The following TCEANC2 variants were observed in gnomAD, a reference collection of about 807,000 sequenced individuals.
TCEANC2 encodes the protein transcription elongation factor A N-terminal and central domain containing 2.
TCEANC2 carries 20 observed loss-of-function variants against 22.8 expected under a neutral mutation model. That is an observed-to-expected ratio of 0.88 (90% CI 0.62 to 1.28). TCEANC2 has a LOEUF of 1.28. TCEANC2 is among the 50% of genes most tolerant of loss of function. The pLI, the probability that TCEANC2 is intolerant of heterozygous loss-of-function variation, is 0.00. For synonymous variants in TCEANC2, 84 were observed against 95.5 expected (o/e 0.88, Z 0.70); for missense variants, 251 against 249.7 (o/e 1.01, Z -0.03).
At chr1:54,069,549 A>G (rs1199075035) in intron 3 of TCEANC2, among the ~76,000 whole-genome samples, 1 of 151,378 alleles carries the variant, frequency 6.6e-6, no homozygotes, top group East Asian at 1.9e-4. Flanking sequence ...CAGAGGTTGC[A>G]GTGAGCCAAG....
intron 2 of TCEANC2, among the ~76,000 whole-genome samples, chr1:54,064,900 A>C (rs942271174): frequency 6.6e-6 from 1 of 152,048 alleles, no homozygotes; most frequent in South Asian, 2.1e-4. Context: ...GGGTTTTGCC[A>C]TGTCGGCCAG....
At chr1:54,072,099 A>G (rs2100365370) in intron 3 of TCEANC2, among the ~76,000 whole-genome samples, 1 of 152,324 alleles carries the variant, frequency 6.6e-6, no homozygotes, top group Admixed American at 6.5e-5. Flanking sequence ...TGTGTGAGCC[A>G]CTATGCCTGG....
At chr1:54,058,178 C>T (rs182475022) in intron 2 of TCEANC2, among the ~76,000 whole-genome samples, 2 of 152,230 alleles carry the variant, frequency 1.3e-5, no homozygotes, top group Admixed American at 1.3e-4. Context: ...ATACTAAGTA[C>T]TTTGTAAGTC....
intron 3 of TCEANC2, among the ~76,000 whole-genome samples, chr1:54,073,657 T>C (rs1028007713): frequency 6.6e-6 from 1 of 152,190 alleles, no homozygotes; most frequent in Non-Finnish European, 1.5e-5. Context: ...GTAGGATTAT[T>C]ATTGAAGACT....
chr1:54,085,179 G>A (rs1658316171), intron 3 of TCEANC2, among the ~76,000 whole-genome samples: 1 of 152,148 alleles, frequency 6.6e-6, no homozygotes, highest in Admixed American at 6.5e-5. Flanking sequence ...TCCCTTCAAA[G>A]TTTTATTTTT....
At position 54,103,497 on chromosome 1, in the gene TCEANC2, C is replaced by T. The variant is rs1003858920; in HGVS notation, c.*7024C>T. 1.3e-5 allele frequency: 2 copies of T among 152,214 alleles called. No individual in the cohort carries two copies. Among genetic ancestry groups the T allele is most frequent in the African/African-American group, 4.8e-5 (2 of 41,450 alleles). 9.4% of individuals were successfully genotyped at this position (152,214 alleles called of 1,614,324 possible). On this transcript the variant is annotated 3_prime_UTR_variant, in exon 5 of 5. Coordinates refer to ENST00000234827, the MANE Select transcript of TCEANC2 (RefSeq NM_153035.3). ...ATGACAACAGCATGGGGGAAACCGGCTCCGTGATCCAATCACTTCCCACCA... is the reference window on the plus strand; with the variant it reads ...ATGACAACAGCATGGGGGAAACCGGTTCCGTGATCCAATCACTTCCCACCA...
In TCEANC2 at chr1:54,057,040, T is replaced by TA. The variant is rs758678252; in HGVS notation, c.102+2529dup. On this transcript the variant is annotated intron_variant, in intron 2 of 4. Transcript: ENST00000234827. ...CTGGGTGACAAAGTGAGACACCATTTAAAAAAAAAAAAAGAATAAAACAAA... is the reference window on the plus strand; with the variant it reads ...CTGGGTGACAAAGTGAGACACCATTTAAAAAAAAAAAAAAGAATAAAACAAA... 6.9e-3 allele frequency among the ~76,000 whole-genome samples: 974 copies of TA among 141,778 alleles called. 5 individuals carry two copies. Among genetic ancestry groups the TA allele is most frequent in the East Asian group, 0.014 (67 of 4,938 alleles). The allele number at this position is 141,778 out of a possible 152,430, so 93.0% of individuals were successfully genotyped here.
intron 3 of TCEANC2, among the ~76,000 whole-genome samples, chr1:54,081,596 A>T (rs1658246027): frequency 6.6e-6 from 1 of 151,548 alleles, no homozygotes; most frequent in Non-Finnish European, 1.5e-5. Flanking sequence ...GAAATTTATG[A>T]CTCTGCTCTG....
rs1330542086 is a variant in TCEANC2 at position 54,103,445 on chromosome 1, G to A, written c.*6972G>A. 1.3e-5 allele frequency: 2 copies of A among 152,088 alleles called. No individual in the cohort carries two copies. Among genetic ancestry groups the A allele is most frequent in the African/African-American group, 2.4e-5 (1 of 41,404 alleles). The allele number at this position is 152,088 out of a possible 1,614,324, so 9.4% of individuals were successfully genotyped here. ...AACTGCCAAACACTTTGAAACCATC[G>A]GATCTCTTGAGAAGTCACTCACTAT... On this transcript the variant is annotated 3_prime_UTR_variant, in exon 5 of 5. Coordinates refer to ENST00000234827, the MANE Select transcript of TCEANC2 (RefSeq NM_153035.3).
Position 54,097,019 on chromosome 1 carries a change from A to G in TCEANC2, c.*546A>G. The G allele has an allele frequency of 4.1e-6, 4 of 983,922 alleles. No individual in the cohort carries two copies. Among genetic ancestry groups the G allele is most frequent in the Non-Finnish European group, 4.8e-6 (4 of 828,240 alleles). 60.9% of individuals were successfully genotyped at this position (983,922 alleles called of 1,614,324 possible). ...CAGAGCTCACTTATCTGAACGTTTCAGCTCTCCCTGGAAGACCTTCTGCGT... is the reference window on the plus strand; with the variant it reads ...CAGAGCTCACTTATCTGAACGTTTCGGCTCTCCCTGGAAGACCTTCTGCGT... On this transcript the variant is annotated 3_prime_UTR_variant, in exon 5 of 5. Transcript: ENST00000234827.
At chr1:54,057,265 A>C (rs1657769096) in intron 2 of TCEANC2, among the ~76,000 whole-genome samples, 1 of 140,950 alleles carries the variant, frequency 7.1e-6, no homozygotes, top group Non-Finnish European at 1.5e-5. Context: ...TCTGTCACCC[A>C]GGCTGGAATG....
chr1:54,108,207 G>A (rs1658787572), downstream of TCEANC2, among the ~76,000 whole-genome samples: 1 of 152,148 alleles, frequency 6.6e-6, no homozygotes, highest in Non-Finnish European at 1.5e-5. Context: ...GCTAACCTGA[G>A]GCCTAGCATT....
At chr1:54,057,383 A>T (rs1219065153) in intron 2 of TCEANC2, among the ~76,000 whole-genome samples, 5 of 105,718 alleles carry the variant, frequency 4.7e-5, no homozygotes, top group African/African-American at 1.5e-4. Flanking sequence ...TAGAGACAGG[A>T]TTTCATCATG....
chr1:54,071,931 C>T (rs954541307), intron 3 of TCEANC2, among the ~76,000 whole-genome samples: 5 of 151,976 alleles, frequency 3.3e-5, no homozygotes, highest in Admixed American at 6.6e-5. Flanking sequence ...CCCACCTCAG[C>T]CCCCCAAGTA....
chr1:54,061,422 G>A (rs946789792), intron 2 of TCEANC2, among the ~76,000 whole-genome samples: 3 of 152,192 alleles, frequency 2.0e-5, no homozygotes. Context: ...CTCTTTTCAT[G>A]TATGGAAAAG....
chr1:54,077,506 T>C (rs933635085), intron 3 of TCEANC2, among the ~76,000 whole-genome samples: 4 of 152,194 alleles, frequency 2.6e-5, no homozygotes, highest in Non-Finnish European at 5.9e-5. Flanking sequence ...TTTGAGACCA[T>C]TGATACTCCC....
chr1:54,070,662 A>G (rs1264813782), intron 3 of TCEANC2, among the ~76,000 whole-genome samples: 1 of 152,182 alleles, frequency 6.6e-6, no homozygotes, highest in Non-Finnish European at 1.5e-5. Context: ...TGGTTTCTTT[A>G]TAGTTACATC....
chr1:54,090,025 C>G (rs1409497108), intron 4 of TCEANC2: 1 of 680,964 alleles, frequency 1.5e-6, no homozygotes, highest in Non-Finnish European at 2.8e-6. Flanking sequence ...ACATAGGTAG[C>G]AACACAAATC....
chr1:54,108,704 GGCT>G (rs765341415), downstream of TCEANC2, among the ~76,000 whole-genome samples: 63 of 152,218 alleles, frequency 4.1e-4, no homozygotes, highest in Non-Finnish European at 7.8e-4. Flanking sequence ...CGGGCGTGGT[GGCT>G]CATGCCTGTA....
Sources: allele counts gnomAD v4.1 joint callset (sites outside exome capture counted in the v4.1 genomes callset), GRCh38; gene constraint gnomAD v4.1.1; transcripts MANE v1.5; gene names NCBI Gene and HGNC (gene_info 2026-07-23, HGNC 2026-07-21).